RASGRP3: variants seen among roughly 807,000 people sequenced by gnomAD.
The protein encoded by RASGRP3 is RAS guanyl releasing protein 3, also known as ras guanyl-releasing protein 3.
Under a neutral mutation model 82.7 loss-of-function variants are expected in RASGRP3, and 54 were observed. The observed-to-expected ratio is 0.65, with a 90% confidence interval of 0.52 to 0.82. The LOEUF (loss-of-function observed/expected upper bound fraction) is 0.82, where lower values mean the gene tolerates loss of function less well. Among genes scored for constraint, RASGRP3 ranks in the 40% least tolerant of loss-of-function variants. The pLI, the probability that RASGRP3 is intolerant of heterozygous loss-of-function variation, is 0.00. For synonymous variants in RASGRP3, 309 were observed against 300.5 expected, an observed-to-expected ratio of 1.03 and a Z score of -0.29; for missense variants, 861 against 828.9, an observed-to-expected ratio of 1.04 and a Z score of -0.48.
intron 2 of RASGRP3, among the ~76,000 whole-genome samples, chr2:33,462,192 G>A (rs551451372): frequency 6.4e-4 from 97 of 152,224 alleles, no homozygotes; most frequent in Non-Finnish European, 1.0e-3. Context: ...AAGAAAGAAA[G>A]TGAGCATCAT....
intron 1 of RASGRP3, among the ~76,000 whole-genome samples, chr2:33,497,742 T>G (rs1669459646): frequency 1.3e-5 from 2 of 152,242 alleles, no homozygotes; most frequent in African/African-American, 4.8e-5. Context: ...TAATAAATAC[T>G]TCTTAAAAAT....
intron 7 of RASGRP3, among the ~76,000 whole-genome samples, chr2:33,523,391 G>T (rs1672213671): frequency 6.6e-6 from 1 of 151,884 alleles, no homozygotes. Context: ...CTTGAACCTG[G>T]GAGGCGGAGA....
chr2:33,452,828 T>C (rs1665869518), intron 2 of RASGRP3, among the ~76,000 whole-genome samples: 1 of 152,190 alleles, frequency 6.6e-6, no homozygotes, highest in African/African-American at 2.4e-5. Flanking sequence ...CCTGATGCTA[T>C]AGAGGCCTGC....
intron 11 of RASGRP3, among the ~76,000 whole-genome samples, chr2:33,535,211 C>T (rs184011905): frequency 1.6e-4 from 25 of 152,266 alleles, no homozygotes; most frequent in African/African-American, 3.8e-4. Context: ...AGATGGCAGA[C>T]GCTTAGTAAA....
chr2:33,549,969 G>T (rs527856211), intron 14 of RASGRP3, among the ~76,000 whole-genome samples: 54 of 152,306 alleles, frequency 3.5e-4, no homozygotes, highest in African/African-American at 1.3e-3. Flanking sequence ...GGTGAGGGCT[G>T]TTAACTCAAG....
At chr2:33,540,007 AAAAGAAAAG>A (rs1674093640) in intron 12 of RASGRP3, 1 of 132,780 alleles carries the variant, frequency 7.5e-6, no homozygotes, top group Non-Finnish European at 1.6e-5. Context: ...AAAAGAAAAG[AAAAGAAAAG>A]AAAAAAGAGT....
chr2:33,464,107 A>ATT (rs1666539536), intron 2 of RASGRP3, among the ~76,000 whole-genome samples: 3 of 142,572 alleles, frequency 2.1e-5, no homozygotes, highest in African/African-American at 5.4e-5. Flanking sequence ...TAATAATAAT[A>ATT]ATAATTATTA....
intron 4 of RASGRP3, 123 bp downstream of exon 4, chr2:33,516,767 G>C (rs1456661672): frequency 3.0e-6 from 2 of 674,278 alleles, no homozygotes; most frequent in Non-Finnish European, 2.5e-6. Flanking sequence ...CAGCTGTTTT[G>C]TGAATATATA....
rs892462636 is a variant in RASGRP3 at position 33,494,902 on chromosome 2, T to A, written c.-260-16808T>A. On this transcript the variant is annotated intron_variant, in intron 1 of 17. Coordinates refer to ENST00000403687, the MANE Select transcript of RASGRP3 (RefSeq NM_001139488.2). ...TATTACAAGTGGAAATAAATACTAATGTCTTAGACTAACCAAGCTTGACAA... is the reference window on the plus strand; with the variant it reads ...TATTACAAGTGGAAATAAATACTAAAGTCTTAGACTAACCAAGCTTGACAA... Among the ~76,000 whole-genome samples, 56 of 152,366 alleles carry A rather than the reference T, an allele frequency of 3.7e-4. 2 individuals carry two copies. Among genetic ancestry groups the A allele is most frequent in the African/African-American group, 7.2e-5 (3 of 41,586 alleles).
chr2:33,437,632 A>G lies in RASGRP3; in HGVS notation c.-385+1041A>G, dbSNP rs1277417555. On this transcript the variant is annotated intron_variant, in intron 1 of 18. Transcript: ENST00000402538. ...TAGCAAAGCTGGAAGCCAGAAAAGC[A>G]GAACCAGCTAGAACCGGCACAGGAG... is the stretch of plus-strand genomic sequence containing the variant. Among the ~76,000 whole-genome samples the G allele has an allele frequency of 2.0e-5, 3 of 152,234 alleles. No homozygotes were observed. The East Asian group carries it at 5.8e-4, about 29-fold the overall frequency.
Position 33,564,244 on chromosome 2 carries a change from TC to T in RASGRP3, c.*1509del, listed in dbSNP as rs1677006454. 6.6e-6 allele frequency: 1 copy of T among 152,162 alleles called. No individual in the cohort carries two copies. The highest frequency in any genetic ancestry group is 2.1e-4 in the South Asian group (1 of 4,822). The allele number at this position is 152,162 out of a possible 1,614,324, so 9.4% of individuals were successfully genotyped here. ...CCCATGGGCATTAAGGCAAAGTAGTTCCAGTGATTTAAAATACGGTTCCAAA... is the reference window on the plus strand; with the variant it reads ...CCCATGGGCATTAAGGCAAAGTAGTTCAGTGATTTAAAATACGGTTCCAAA... On this transcript the variant is annotated 3_prime_UTR_variant, in exon 18 of 18. Coordinates refer to ENST00000403687, the MANE Select transcript of RASGRP3 (RefSeq NM_001139488.2).
chr2:33,555,530 G>C lies in RASGRP3; in HGVS notation c.1543-1G>C. 1 of 1,597,776 alleles carries C rather than the reference G, an allele frequency of 6.3e-7. No homozygotes were observed. Among genetic ancestry groups the C allele is most frequent in the Non-Finnish European group, 8.6e-7 (1 of 1,168,026 alleles). ...TGACATTCCTTTGTCTTTTGTTACA[G>C]CTCTGGGGCATAATCAAGCAAGGAT... On this transcript the variant is annotated splice_acceptor_variant, in intron 14 of 17. Transcript: ENST00000403687. LOFTEE classifies it high-confidence loss of function.
chr2:33,509,125 G>A (rs1190974656), intron 1 of RASGRP3, among the ~76,000 whole-genome samples: 1 of 152,214 alleles, frequency 6.6e-6, no homozygotes, highest in Non-Finnish European at 1.5e-5. Flanking sequence ...ATCAGGCAGG[G>A]TGTGGTGGCT....
intron 2 of RASGRP3, among the ~76,000 whole-genome samples, chr2:33,463,642 G>A (rs13395399): frequency 0.12 from 17,468 of 145,248 alleles, 1,267 homozygotes; most frequent in South Asian, 0.28. Context: ...ACTATCGCCC[G>A]GGCTAGAGTA....
intron 14 of RASGRP3, among the ~76,000 whole-genome samples, chr2:33,554,231 C>T (rs558686273): frequency 7.9e-5 from 12 of 152,128 alleles, no homozygotes; most frequent in Non-Finnish European, 1.5e-4. Context: ...CATGTGGGGG[C>T]ATTGTTCACT....
chr2:33,484,922 G>A (rs1558430671), intron 1 of RASGRP3, among the ~76,000 whole-genome samples: 1 of 152,128 alleles, frequency 6.6e-6, no homozygotes, highest in Non-Finnish European at 1.5e-5. Flanking sequence ...CCCTTGGCCG[G>A]GTGCAGTGGC....
rs115941264 is a variant in RASGRP3, at chr2:33,471,506, C to T, written c.-261+23563C>T. 7.7e-3 allele frequency among the ~76,000 whole-genome samples: 1,169 copies of T among 151,964 alleles called. 14 individuals carry two copies. Among genetic ancestry groups the T allele is most frequent in the Middle Eastern group, 0.021 (6 of 292 alleles). On this transcript the variant is annotated intron_variant, in intron 2 of 18. Coordinates refer to the RASGRP3 transcript ENST00000402538. ...CTTATTTTTTACATCTTTAGGGCAA[C>T]CTATGTTTACGTATGAAGTTAGTCT...
At chr2:33,512,073 C>T (rs1670978501) in intron 2 of RASGRP3, among the ~76,000 whole-genome samples, 2 of 152,158 alleles carry the variant, frequency 1.3e-5, no homozygotes, top group African/African-American at 2.4e-5. Context: ...ATAATGTCCA[C>T]ACATAGGAAA....
At chr2:33,491,484 A>G (rs1450840036) in intron 1 of RASGRP3, among the ~76,000 whole-genome samples, 1 of 152,254 alleles carries the variant, frequency 6.6e-6, no homozygotes, top group African/African-American at 2.4e-5. Flanking sequence ...TTTATAACAT[A>G]GAAATAATGC....
Sources: gnomAD v4.1 joint callset for allele counts (sites outside exome capture counted in the v4.1 genomes callset) on GRCh38, gnomAD v4.1.1 for gene constraint, MANE v1.5 for transcripts, NCBI Gene and HGNC (gene_info 2026-07-23, HGNC 2026-07-21) for gene names.